KCNJ15: variants seen among roughly 807,000 people sequenced by gnomAD.
KCNJ15 encodes the protein ATP-sensitive inward rectifier potassium channel 15.
A neutral mutation model predicts 23.0 loss-of-function variants in KCNJ15; 14 were observed. That is an observed-to-expected ratio of 0.61 (90% CI 0.40 to 0.95). The LOEUF is 0.95. Ranked by LOEUF, KCNJ15 falls within the 40% of genes least tolerant of loss-of-function variation. KCNJ15 has a pLI of 0.00. For missense variants in KCNJ15, 388 were observed against 461.8 expected (o/e 0.84, Z 1.46); for synonymous variants, 185 against 183.2 (o/e 1.01, Z -0.08).
At chr21:38,281,634 G>A (rs142116659) in intron 1 of KCNJ15, among the ~76,000 whole-genome samples, 6 of 152,232 alleles carry the variant, frequency 3.9e-5, no homozygotes, top group Non-Finnish European at 7.4e-5. Flanking sequence ...AGTATTCTGC[G>A]GTATATTTGT....
Position 38,300,506 on chromosome 21 carries a change from G to A in KCNJ15, c.*117G>A, listed in dbSNP as rs777849382. 1.1e-5 allele frequency: 9 copies of A among 798,890 alleles called. No individual in the cohort carries two copies. The highest frequency in any genetic ancestry group is 3.9e-5 in the South Asian group (2 of 51,106). 49.5% of individuals were successfully genotyped at this position (798,890 alleles called of 1,614,324 possible). ...GTAGACGCACTCTCAAAAACTGCAC[G>A]GACATACAAAATCAATCTTTTCCTT... On this transcript the variant is annotated 3_prime_UTR_variant, in exon 3 of 3. Coordinates refer to ENST00000398938, the MANE Select transcript of KCNJ15 (RefSeq NM_170736.3).
At chr21:38,232,482 GCTTA>G (rs1457231080) in intron 1 of KCNJ15, among the ~76,000 whole-genome samples, 1 of 151,524 alleles carries the variant, frequency 6.6e-6, no homozygotes. Context: ...ACTTTCTTAT[GCTTA>G]CTTTAGGTTT....
chr21:38,263,729 T>C (rs1375131969), intron 1 of KCNJ15, among the ~76,000 whole-genome samples: 1 of 151,876 alleles, frequency 6.6e-6, no homozygotes, highest in Admixed American at 6.6e-5. Context: ...CCAGGCTCCA[T>C]TTAGGTGTAA....
At chr21:38,232,391 G>A (rs9983292) in intron 1 of KCNJ15, among the ~76,000 whole-genome samples, 1 of 151,442 alleles carries the variant, frequency 6.6e-6, no homozygotes, top group Non-Finnish European at 1.5e-5. Context: ...TTTGACCAAG[G>A]AATCAACTTT....
intron 1 of KCNJ15, among the ~76,000 whole-genome samples, chr21:38,247,097 G>C (rs758851606): frequency 1.3e-4 from 9 of 69,590 alleles, no homozygotes; most frequent in African/African-American, 6.9e-4. Context: ...TGGATGGATG[G>C]ATGCATGGAT....
rs1211994665 is a variant in KCNJ15 at position 38,306,380 on chromosome 21, A to AAC, written c.*5992_*5993insCA. The AAC allele has an allele frequency of 1.3e-5, 2 of 151,810 alleles. No homozygotes were observed. The highest frequency in any genetic ancestry group is 2.9e-5 in the Non-Finnish European group (2 of 67,904). 9.4% of individuals were successfully genotyped at this position (151,810 alleles called of 1,614,324 possible). On this transcript the variant is annotated 3_prime_UTR_variant, in exon 3 of 3. Transcript: ENST00000398938. ...AGAGTATCTATTTCCTTAAAAAAAA[A>AAC]AAACCATAAGTTGTTGACTCTGAGC...
At chr21:38,237,947 A>AG (rs1306439796) in intron 1 of KCNJ15, among the ~76,000 whole-genome samples, 33 of 123,282 alleles carry the variant, frequency 2.7e-4, no homozygotes, top group African/African-American at 8.5e-4. Flanking sequence ...CACACAAGCT[A>AG]AAAACAACAA....
At chr21:38,261,713 T>C (rs1980919249) in intron 1 of KCNJ15, among the ~76,000 whole-genome samples, 1 of 152,198 alleles carries the variant, frequency 6.6e-6, no homozygotes, top group Admixed American at 6.5e-5. Flanking sequence ...GTAGAATATG[T>C]GAGTACTGAA....
At chr21:38,295,547 C>CTT (rs11380765) in intron 1 of KCNJ15, among the ~76,000 whole-genome samples, 2 of 147,274 alleles carry the variant, frequency 1.4e-5, no homozygotes, top group African/African-American at 5.0e-5. Flanking sequence ...GCAAGCTGCA[C>CTT]TTTTTTTTTT....
At chr21:38,251,600 T>C (rs2123581018) in intron 1 of KCNJ15, among the ~76,000 whole-genome samples, 1 of 152,356 alleles carries the variant, frequency 6.6e-6, no homozygotes, top group Non-Finnish European at 1.5e-5. Context: ...GTGGCAAATG[T>C]GCACTCAGTG....
At chr21:38,256,193 G>A (rs1980213168), upstream of KCNJ15, among the ~76,000 whole-genome samples, 1 of 151,732 alleles carries the variant, frequency 6.6e-6, no homozygotes, top group South Asian at 2.1e-4. Context: ...TACTGCCTCT[G>A]CTTCCAGAGA....
At chr21:38,231,683 A>G (rs1729212495) in intron 1 of KCNJ15, among the ~76,000 whole-genome samples, 1 of 151,350 alleles carries the variant, frequency 6.6e-6, no homozygotes, top group South Asian at 2.1e-4. Context: ...TGGATTTTGG[A>G]TTTTGTTACA....
intron 1 of KCNJ15, among the ~76,000 whole-genome samples, chr21:38,243,025 C>T (rs914065495): frequency 6.6e-6 from 1 of 152,184 alleles, no homozygotes; most frequent in Non-Finnish European, 1.5e-5. Context: ...TGCCTCTCTA[C>T]CTGGCTGTGT....
intron 1 of KCNJ15, among the ~76,000 whole-genome samples, chr21:38,236,966 C>T (rs1268022996): frequency 6.6e-6 from 1 of 152,146 alleles, no homozygotes; most frequent in African/African-American, 2.4e-5. Flanking sequence ...GGGAGGGTAA[C>T]TCACAATGTC....
chr21:38,275,479 T>G (rs6517454), intron 1 of KCNJ15, among the ~76,000 whole-genome samples: 142,430 of 145,722 alleles, frequency 0.98, 69,620 homozygotes, highest in East Asian at 1. Flanking sequence ...CCAAGATCAC[T>G]CCACTGCACT....
chr21:38,255,398 C>G, upstream of KCNJ15, among the ~76,000 whole-genome samples: 1 of 152,228 alleles, frequency 6.6e-6, no homozygotes, highest in East Asian at 1.9e-4. Flanking sequence ...TTTAGCATAT[C>G]CTCGCGGGAG....
At chr21:38,272,399 T>A (rs758489173) in intron 1 of KCNJ15, 1 of 152,474 alleles carries the variant, frequency 6.6e-6, no homozygotes, top group Non-Finnish European at 1.5e-5. Flanking sequence ...GGAGAGTGTG[T>A]TCCTGCCTAC....
chr21:38,232,595 T>C (rs1978347496), intron 1 of KCNJ15, among the ~76,000 whole-genome samples: 1 of 151,910 alleles, frequency 6.6e-6, no homozygotes, highest in South Asian at 2.1e-4. Context: ...GCTATACATT[T>C]TCTTCTAAAC....
chr21:38,233,346 A>G (rs934534460), intron 1 of KCNJ15, among the ~76,000 whole-genome samples: 2 of 152,070 alleles, frequency 1.3e-5, no homozygotes, highest in Non-Finnish European at 2.9e-5. Context: ...TGTGGACAAT[A>G]TATAGCTGAA....
Sources: gnomAD v4.1 joint callset for allele counts (sites outside exome capture counted in the v4.1 genomes callset) on GRCh38, gnomAD v4.1.1 for gene constraint, MANE v1.5 for transcripts, NCBI Gene and HGNC (gene_info 2026-07-23, HGNC 2026-07-21) for gene names.